Variants in LINC00632 observed in about 807,000 individuals in gnomAD.
LINC00632 encodes the protein ALDOA related specific transcript.
chrX:140,734,501 C>T (rs184393823), intron 3 of LINC00632, among the ~76,000 whole-genome samples: 21 of 110,551 alleles, frequency 1.9e-4, no homozygotes, highest in African/African-American at 6.6e-4. Context: ...TTGAACTTGC[C>T]ATTCCATTCA....
chrX:140,776,227 A>T (rs957665912), exon 5 of LINC00632, among the ~76,000 whole-genome samples: 7 of 111,396 alleles, frequency 6.3e-5, no homozygotes, highest in African/African-American at 2.3e-4. Flanking sequence ...AATGAGAGCC[A>T]GACTGGGATC....
intron 3 of LINC00632, among the ~76,000 whole-genome samples, chrX:140,742,214 T>A (rs1931233963): frequency 8.9e-6 from 1 of 112,044 alleles, no homozygotes; most frequent in South Asian, 3.7e-4. Flanking sequence ...TTTGTGTAAG[T>A]TGGATTATGG....
At chrX:140,731,552 T>C (rs1931055517) in intron 2 of LINC00632, among the ~76,000 whole-genome samples, 1 of 111,978 alleles carries the variant, frequency 8.9e-6, no homozygotes, top group African/African-American at 3.2e-5. Context: ...GGGATGATGG[T>C]GTTCCCTGCC....
At chrX:140,776,868 A>T (rs1931878839) in exon 5 of LINC00632, among the ~76,000 whole-genome samples, 1 of 111,585 alleles carries the variant, frequency 9.0e-6, no homozygotes, top group Non-Finnish European at 1.9e-5. Flanking sequence ...TATTTACAAT[A>T]GCAAAGACTT....
At chrX:140,783,910 A>C (rs765324048) in exon 5 of LINC00632, 1 of 1,207,948 alleles carries the variant, frequency 8.3e-7, no homozygotes, top group South Asian at 1.8e-5. Flanking sequence ...CTTCCTGAAA[A>C]TCTACGTCTT....
chrX:140,747,043 A>G (rs2148391374), intron 3 of LINC00632, among the ~76,000 whole-genome samples: 1 of 112,252 alleles, frequency 8.9e-6, no homozygotes, highest in Admixed American at 9.5e-5. Context: ...GGAAAGGTAA[A>G]TACATTTTCC....
At chrX:140,778,696 T>C in exon 5 of LINC00632, among the ~76,000 whole-genome samples, 1 of 111,423 alleles carries the variant, frequency 9.0e-6, no homozygotes, top group South Asian at 3.8e-4. Context: ...TTTTTATTTA[T>C]TTTGACCAGA....
At chrX:140,768,906 GTCTT>G (rs1249983137) in intron 3 of LINC00632, among the ~76,000 whole-genome samples, 2 of 106,807 alleles carry the variant, frequency 1.9e-5, no homozygotes, top group African/African-American at 6.8e-5. Flanking sequence ...AAGGCTTCAT[GTCTT>G]TCTGATGGTC....
chrX:140,725,257 TAC>T (rs766068251), intron 2 of LINC00632, among the ~76,000 whole-genome samples: 70 of 74,208 alleles, frequency 9.4e-4, no homozygotes, highest in East Asian at 3.5e-3. Flanking sequence ...ACACATTCCG[TAC>T]ACACACACAG....
chrX:140,718,044 G>A (rs1403761591), intron 2 of LINC00632, among the ~76,000 whole-genome samples: 2 of 110,753 alleles, frequency 1.8e-5, no homozygotes, highest in Non-Finnish European at 3.8e-5. Flanking sequence ...GCCGAGGCAG[G>A]AGAATCGCTT....
intron 2 of LINC00632, chrX:140,713,489 T>C (rs1180770812): frequency 8.9e-6 from 3 of 336,597 alleles, no homozygotes; most frequent in African/African-American, 2.6e-5. Context: ...GTAACCATTA[T>C]GTAAGTGTTG....
chrX:140,737,189 C>T (rs964637385), intron 3 of LINC00632, among the ~76,000 whole-genome samples: 2 of 111,262 alleles, frequency 1.8e-5, no homozygotes, highest in Non-Finnish European at 3.8e-5. Context: ...CTTTAGCCAC[C>T]GCAGTCGGCT....
At chrX:140,759,704 C>T (rs1931570529) in intron 3 of LINC00632, among the ~76,000 whole-genome samples, 1 of 110,944 alleles carries the variant, frequency 9.0e-6, no homozygotes, top group Admixed American at 9.6e-5. Context: ...TAAGGGGCTA[C>T]ACTCATTGTG....
intron 3 of LINC00632, among the ~76,000 whole-genome samples, chrX:140,764,188 TTAAA>T (rs1159645669): frequency 1.8e-5 from 2 of 110,743 alleles, no homozygotes; most frequent in African/African-American, 6.6e-5. Flanking sequence ...ATATTGAATG[TTAAA>T]TACTCTCCAA....
intron 3 of LINC00632, among the ~76,000 whole-genome samples, chrX:140,753,768 CTTTTT>C (rs752596283): frequency 6.0e-5 from 3 of 49,727 alleles, no homozygotes; most frequent in African/African-American, 2.9e-4. Context: ...TTCTTTCTTT[CTTTTT>C]TTTTTTTTTT....
chrX:140,732,018 A>C (rs1931065269), intron 2 of LINC00632, among the ~76,000 whole-genome samples: 1 of 111,004 alleles, frequency 9.0e-6, no homozygotes, highest in South Asian at 3.9e-4. Context: ...AGACAGGCCA[A>C]CATGGTGAAA....
chrX:140,787,161 A>G (rs1932029466), exon 5 of LINC00632, among the ~76,000 whole-genome samples: 1 of 107,732 alleles, frequency 9.3e-6, no homozygotes, highest in South Asian at 4.0e-4. Context: ...ACACTTCAAA[A>G]TATATGTTAG....
chrX:140,775,694 A>G (rs1270847947), exon 5 of LINC00632, among the ~76,000 whole-genome samples: 3 of 111,881 alleles, frequency 2.7e-5, no homozygotes, highest in African/African-American at 9.8e-5. Context: ...AAGAGACTTT[A>G]TATAACTTGA....
intron 3 of LINC00632, among the ~76,000 whole-genome samples, chrX:140,758,967 T>C (rs1366360258): frequency 2.5e-5 from 1 of 39,720 alleles, no homozygotes; most frequent in Admixed American, 4.4e-4. Flanking sequence ...TTCTTTTCTT[T>C]TTTTTTTTTT....
Sources: gnomAD v4.1 joint callset for allele counts (sites outside exome capture counted in the v4.1 genomes callset) on GRCh38, gnomAD v4.1.1 for gene constraint, MANE v1.5 for transcripts, NCBI Gene and HGNC (gene_info 2026-07-23, HGNC 2026-07-21) for gene names.